ACCSL: variants seen among roughly 807,000 people sequenced by gnomAD.
ACCSL encodes probable inactive 1-aminocyclopropane-1-carboxylate synthase-like protein 2.
In ACCSL, 55 loss-of-function variants were observed where a neutral mutation model predicts 61.7. The ratio of observed to expected loss-of-function variants is 0.89; its 90% confidence interval spans 0.72 to 1.12. The LOEUF (loss-of-function observed/expected upper bound fraction) is 1.12. Ranked by LOEUF, ACCSL falls within the 50% of genes most tolerant of loss-of-function variation. ACCSL has a pLI of 0.00. For synonymous variants in ACCSL, 258 were observed against 264.3 expected (o/e 0.98, Z 0.23); for missense variants, 632 against 698.0 (o/e 0.91, Z 1.07).
the ACCSL span, among the ~76,000 whole-genome samples, chr11:43,978,003 C>T: frequency 4.1e-5 from 4 of 97,660 alleles, no homozygotes; most frequent in Admixed American, 1.1e-4. Context: ...CTAGGAAGCT[C>T]TTTTTTTTTT....
chr11:43,978,729 T>G, the ACCSL span, among the ~76,000 whole-genome samples: 1 of 151,344 alleles, frequency 6.6e-6, no homozygotes, highest in African/African-American at 2.4e-5. Context: ...CTCATCTGCT[T>G]AATGCTTCAA....
chr11:44,040,381 G>A, the ACCSL span, among the ~76,000 whole-genome samples: 9,082 of 152,192 alleles, frequency 0.06, 504 homozygotes, highest in African/African-American at 0.14. Flanking sequence ...TTTGAGAACC[G>A]TGGCTTCAAT....
chr11:43,944,992 T>C, the ACCSL span: 1 of 152,298 alleles, frequency 6.6e-6, no homozygotes, highest in Non-Finnish European at 1.5e-5. Flanking sequence ...AGATACCCAG[T>C]CTCTCAGCTG....
intron 8 of ACCSL, 43 bp downstream of exon 8, chr11:44,053,549 G>T: frequency 6.5e-7 from 1 of 1,550,080 alleles, no homozygotes; most frequent in Non-Finnish European, 8.9e-7. Context: ...TTTCTTGAAA[G>T]GATTCCCATC....
the ACCSL span, among the ~76,000 whole-genome samples, chr11:44,015,834 A>G: frequency 6.6e-6 from 1 of 152,224 alleles, no homozygotes; most frequent in Non-Finnish European, 1.5e-5. Context: ...CAGTTTTCAT[A>G]TCTGTAAAAT....
chr11:44,021,330 T>C, the ACCSL span, among the ~76,000 whole-genome samples: 10 of 152,220 alleles, frequency 6.6e-5, no homozygotes, highest in African/African-American at 2.4e-4. Context: ...AGTTAGGCGG[T>C]ATTGCATTGT....
the ACCSL span, among the ~76,000 whole-genome samples, chr11:44,018,232 T>A: frequency 1.3e-5 from 2 of 151,840 alleles, no homozygotes; most frequent in East Asian, 3.9e-4. Context: ...TGAGAGAGGG[T>A]GAGCTTCCCA....
chr11:44,055,282 G>A lies in ACCSL; in HGVS notation c.1130G>A (p.Ser377Asn). 4.3e-6 allele frequency: 7 copies of A among 1,612,434 alleles called. No homozygotes were observed. Among genetic ancestry groups the A allele is most frequent in the Non-Finnish European group, 5.9e-6 (7 of 1,178,774 alleles). Residue 377 changes from serine to asparagine, a missense_variant, in exon 9 of 14, where the codon AGC becomes AAC. Coordinates refer to ENST00000378832, the MANE Select transcript of ACCSL (RefSeq NM_001031854.2). ...TCCATCACATTCCACAGCATTCTGA[G>A]CATGAAAAGGTGAGCTGGTCTCAGC... ...DESITFHSIL[S>N]MKSLPDSNRT...
chr11:43,979,899 T>TTACAGAAATG, the ACCSL span, among the ~76,000 whole-genome samples: 1 of 149,052 alleles, frequency 6.7e-6, no homozygotes, highest in Non-Finnish European at 1.5e-5. Context: ...ATTTCAAACA[T>TTACAGAAATG]TACAGAAATG....
chr11:43,956,657 G>T, the ACCSL span, among the ~76,000 whole-genome samples: 1 of 152,184 alleles, frequency 6.6e-6, no homozygotes, highest in Non-Finnish European at 1.5e-5. Context: ...CTGACCTTGT[G>T]ATCTGCCCAC....
chr11:44,050,375 T>A (rs1479399909), intron 2 of ACCSL, among the ~76,000 whole-genome samples, 177 bp from the exon 3 acceptor site: 1 of 152,212 alleles, frequency 6.6e-6, no homozygotes, highest in Non-Finnish European at 1.5e-5. Context: ...TATCTACTTG[T>A]GTAATTTATG....
At chr11:44,002,099 G>C in the ACCSL span, among the ~76,000 whole-genome samples, 3 of 151,718 alleles carry the variant, frequency 2.0e-5, no homozygotes, top group South Asian at 2.1e-4. Context: ...TGGACAAGGA[G>C]GGGGGAAGTG....
At chr11:44,039,878 G>A in the ACCSL span, among the ~76,000 whole-genome samples, 1 of 152,214 alleles carries the variant, frequency 6.6e-6, no homozygotes, top group Non-Finnish European at 1.5e-5. Flanking sequence ...GGGCAAGCCT[G>A]GCAAGCCCAC....
chr11:44,039,102 T>G, the ACCSL span, among the ~76,000 whole-genome samples: 1 of 152,076 alleles, frequency 6.6e-6, no homozygotes, highest in Admixed American at 6.5e-5. Context: ...TTAGTTTTGT[T>G]TTTAATGAAT....
the ACCSL span, among the ~76,000 whole-genome samples, chr11:43,973,608 AT>A: frequency 2.0e-5 from 3 of 152,184 alleles, no homozygotes; most frequent in African/African-American, 7.2e-5. Flanking sequence ...GCGTAATTTG[AT>A]TGCATTAATA....
rs202044258 is a variant in ACCSL, at chr11:44,051,379, C to A, written c.680C>A (p.Ala227Glu). ...CGGTTCCTGACCTACTACTGCAGGG[C>A]ACCTACCCGACTTGACCCAGAAAAT... is the stretch of plus-strand genomic sequence containing the variant. ...VARFLTYYCR[A>E]PTRLDPENVV... Residue 227 changes from alanine to glutamate, a missense_variant, in exon 4 of 14, where the codon GCA (alanine) becomes GAA (glutamate). Ala to Glu is a moderately radical substitution (Grantham distance 107, BLOSUM62 -1). Coordinates refer to ENST00000378832, the MANE Select transcript of ACCSL (RefSeq NM_001031854.2). 2 of 1,614,168 alleles carry A rather than the reference C, an allele frequency of 1.2e-6. No individual in the cohort carries two copies. Among genetic ancestry groups the A allele is most frequent in the South Asian group, 2.2e-5 (2 of 91,068 alleles).
the ACCSL span, chr11:43,973,730 C>T: frequency 6.6e-6 from 1 of 152,120 alleles, no homozygotes; most frequent in Non-Finnish European, 1.5e-5. Flanking sequence ...TCTTAAATCT[C>T]CACTTAAAGA....
the ACCSL span, among the ~76,000 whole-genome samples, chr11:44,031,191 G>A: frequency 6.0e-4 from 92 of 152,292 alleles, no homozygotes; most frequent in African/African-American, 2.1e-3. Flanking sequence ...ATGAGATAAT[G>A]TGTGTAAAGA....
At chr11:44,036,765 G>C in the ACCSL span, among the ~76,000 whole-genome samples, 2 of 143,002 alleles carry the variant, frequency 1.4e-5, no homozygotes, top group African/African-American at 2.6e-5. Context: ...CTGGGTGACA[G>C]AGCAAGACAC....
Sources: allele counts gnomAD v4.1 joint callset (sites outside exome capture counted in the v4.1 genomes callset), GRCh38; gene constraint gnomAD v4.1.1; transcripts MANE v1.5; gene names NCBI Gene and HGNC (gene_info 2026-07-23, HGNC 2026-07-21).